Variants in RAP1GDS1 observed in about 807,000 individuals in gnomAD.
RAP1GDS1 encodes the protein RAP1, GTP-GDP dissociation stimulator 1.
RAP1GDS1 carries 35 observed loss-of-function variants against 71.1 expected under a neutral mutation model. That is an observed-to-expected ratio of 0.49 (90% CI 0.38 to 0.65). The LOEUF is 0.65. RAP1GDS1 is among the 30% of genes least tolerant of loss of function. The probability of loss-of-function intolerance (pLI) is 0.00; values close to 1 mark genes in which losing one functional copy is unlikely to be tolerated. For missense variants in RAP1GDS1, 663 were observed against 706.1 expected, an observed-to-expected ratio of 0.94 and a Z score of 0.69; for synonymous variants, 229 against 243.1, an observed-to-expected ratio of 0.94 and a Z score of 0.54.
In RAP1GDS1 at chr4:98,392,473, G is replaced by A. The variant is rs78269159; in HGVS notation, c.637+393G>A. Among the ~76,000 whole-genome samples, 791 of 152,280 alleles carry A rather than the reference G, an allele frequency of 5.2e-3. 7 individuals carry two copies. Among genetic ancestry groups the A allele is most frequent in the South Asian group, 0.02 (95 of 4,828 alleles). ...CTTGTGCCTGTGGTTCCAGCACTTC[G>A]GAAGGCCGAGGTGGGTGGATTGCTT... On this transcript the variant is annotated intron_variant, in intron 6 of 14. Coordinates refer to ENST00000408927, the MANE Select transcript of RAP1GDS1 (RefSeq NM_001100427.2).
chr4:98,337,409 C>G (rs1734864174), intron 2 of RAP1GDS1, among the ~76,000 whole-genome samples: 2 of 152,162 alleles, frequency 1.3e-5, no homozygotes, highest in Non-Finnish European at 2.9e-5. Flanking sequence ...CAACATATAA[C>G]TTCTAAATGA....
chr4:98,433,606 A>T (rs1238007917), intron 12 of RAP1GDS1, among the ~76,000 whole-genome samples: 1 of 152,100 alleles, frequency 6.6e-6, no homozygotes, highest in African/African-American at 2.4e-5. Context: ...TCCAAGTTTT[A>T]TTCTTGTTTG....
At chr4:98,339,272 A>G (rs7694221) in intron 2 of RAP1GDS1, among the ~76,000 whole-genome samples, 11,813 of 152,166 alleles carry the variant, frequency 0.078, 500 homozygotes, top group Admixed American at 0.15. Flanking sequence ...TTCAGGGGCT[A>G]TTGTGATGGA....
chr4:98,283,207 A>G (rs984338001), intron 1 of RAP1GDS1, among the ~76,000 whole-genome samples: 1 of 152,218 alleles, frequency 6.6e-6, no homozygotes, highest in African/African-American at 2.4e-5. Context: ...GTTGTGTTTC[A>G]GAGAAATAAA....
At chr4:98,354,055 CTT>C (rs895411941) in intron 4 of RAP1GDS1, among the ~76,000 whole-genome samples, 10 of 134,920 alleles carry the variant, frequency 7.4e-5, no homozygotes, top group African/African-American at 8.1e-5. Flanking sequence ...CAAAAGTATT[CTT>C]TTTTTTTTTT....
chr4:98,354,647 CAT>C (rs1400608046), intron 4 of RAP1GDS1, among the ~76,000 whole-genome samples: 5 of 152,012 alleles, frequency 3.3e-5, no homozygotes, highest in Non-Finnish European at 7.4e-5. Flanking sequence ...TAGTATTTAT[CAT>C]ATCTATTTAT....
rs576512025 is a variant in RAP1GDS1 at position 98,357,739 on chromosome 4, A to G, written c.361+5138A>G. Among the ~76,000 whole-genome samples, 5 of 152,044 alleles carry G rather than the reference A, an allele frequency of 3.3e-5. No homozygotes were observed. In the South Asian group the frequency reaches 1.0e-3, roughly 32 times the overall value. The stretch of plus-strand genomic sequence containing the variant: ...TTGCTTAGAAAAGAATTTGTTTACA[A>G]ATTAATATAATTATAAATGTATAAA... On this transcript the variant is annotated intron_variant, in intron 4 of 14. Coordinates refer to ENST00000408927, the MANE Select transcript of RAP1GDS1 (RefSeq NM_001100427.2).
chr4:98,422,683 G>C (rs1057443740), intron 12 of RAP1GDS1, among the ~76,000 whole-genome samples: 1 of 152,230 alleles, frequency 6.6e-6, no homozygotes, highest in African/African-American at 2.4e-5. Flanking sequence ...AACTAAAGCT[G>C]TTCTTGTATA....
intron 1 of RAP1GDS1, among the ~76,000 whole-genome samples, chr4:98,275,017 G>GCT (rs1473073856): frequency 2.1e-5 from 3 of 144,278 alleles, no homozygotes; most frequent in Non-Finnish European, 4.5e-5. Context: ...TTTGTTTGCA[G>GCT]CTGTGTGTGT....
intron 6 of RAP1GDS1, among the ~76,000 whole-genome samples, chr4:98,401,271 G>A (rs191053739): frequency 3.2e-4 from 49 of 152,248 alleles, no homozygotes; most frequent in Non-Finnish European, 2.2e-4. Context: ...TTAATAACAA[G>A]CACATAGCTA....
intron 2 of RAP1GDS1, among the ~76,000 whole-genome samples, chr4:98,309,702 TAA>T: frequency 6.6e-6 from 1 of 151,998 alleles, no homozygotes; most frequent in Non-Finnish European, 1.5e-5. Flanking sequence ...TAATTGAATA[TAA>T]AATACTACGT....
At chr4:98,416,023 C>G (rs1219682481) in intron 7 of RAP1GDS1, among the ~76,000 whole-genome samples, 2 of 152,068 alleles carry the variant, frequency 1.3e-5, no homozygotes, top group African/African-American at 4.8e-5. Flanking sequence ...CTCAAGCAAT[C>G]TTCCTGCCTT....
rs574660427 is a variant in RAP1GDS1, at chr4:98,349,084, G to A, written c.236-3392G>A. ...TGGTATTGCCTAGGTTTTCTTCTAG[G>A]GTTTTTATGGTTTTAGGTCTAACAT... On this transcript the variant is annotated intron_variant, in intron 3 of 14. Transcript: ENST00000408927. Among the ~76,000 whole-genome samples, 1,507 of 152,120 alleles carry A rather than the reference G, an allele frequency of 9.9e-3. 19 individuals are homozygous for A. Among genetic ancestry groups the A allele is most frequent in the African/African-American group, 0.032 (1,346 of 41,476 alleles).
At chr4:98,431,306 C>T (rs150757102) in intron 12 of RAP1GDS1, among the ~76,000 whole-genome samples, 315 of 152,232 alleles carry the variant, frequency 2.1e-3, no homozygotes, top group African/African-American at 7.1e-3. Flanking sequence ...CTATACCAAC[C>T]GGCAATCTTA....
intron 2 of RAP1GDS1, among the ~76,000 whole-genome samples, chr4:98,310,440 T>C (rs773680129): frequency 2.0e-5 from 3 of 152,094 alleles, no homozygotes; most frequent in Non-Finnish European, 4.4e-5. Context: ...AAAATTGCAA[T>C]GTCAAATCAA....
intron 2 of RAP1GDS1, among the ~76,000 whole-genome samples, chr4:98,336,097 G>A (rs993701612): frequency 2.0e-5 from 3 of 151,926 alleles, no homozygotes; most frequent in Non-Finnish European, 4.4e-5. Flanking sequence ...TAGATCTTTT[G>A]CTGAAAATAT....
Position 98,356,901 on chromosome 4 carries a change from G to A in RAP1GDS1, c.361+4300G>A, listed in dbSNP as rs545857883. Among the ~76,000 whole-genome samples, 23 of 151,970 alleles carry A rather than the reference G, an allele frequency of 1.5e-4. No homozygotes were observed. In the South Asian group the frequency reaches 2.7e-3, roughly 18 times the overall value. On this transcript the variant is annotated intron_variant, in intron 4 of 14. Coordinates refer to ENST00000408927, the MANE Select transcript of RAP1GDS1 (RefSeq NM_001100427.2). ...GATGCTGAAACATATGCATGTATCC[G>A]TTTGTATATTGGCGATTCTTGTGCT...
At chr4:98,335,079 G>T (rs1182718028) in intron 2 of RAP1GDS1, among the ~76,000 whole-genome samples, 3 of 152,024 alleles carry the variant, frequency 2.0e-5, no homozygotes, top group African/African-American at 7.3e-5. Flanking sequence ...ATGAGAATAG[G>T]CCATAAGATG....
In RAP1GDS1 at chr4:98,443,015, A is replaced by ATTTTTTTTTCT. The variant is rs543199019; in HGVS notation, c.*907_*908insCTTTTTTTTTT. 7.5e-4 allele frequency: 104 copies of ATTTTTTTTTCT among 138,296 alleles called. 1 individual carries two copies. The highest frequency in any genetic ancestry group is 2.5e-3 in the Middle Eastern group (1 of 404). 8.6% of individuals were successfully genotyped at this position (138,296 alleles called of 1,614,324 possible). A position where few individuals can be genotyped will look rare whatever the true frequency, so the allele number is the denominator to read the frequency against. On this transcript the variant is annotated 3_prime_UTR_variant, in exon 15 of 15. Transcript: ENST00000408927. ...TGAGTATAGTTCATTGAAGAATGGAATTTTTTTTTTTTTTTTTTTTTTTGC... is the reference window on the plus strand; with the variant it reads ...TGAGTATAGTTCATTGAAGAATGGAATTTTTTTTTCTTTTTTTTTTTTTTTTTTTTTTTTGC...
Sources: gnomAD v4.1 joint callset for allele counts (sites outside exome capture counted in the v4.1 genomes callset) on GRCh38, gnomAD v4.1.1 for gene constraint, MANE v1.5 for transcripts, NCBI Gene and HGNC (gene_info 2026-07-23, HGNC 2026-07-21) for gene names.